Variants in SYTL5 observed in about 807,000 individuals in gnomAD.
SYTL5 encodes the protein synaptotagmin like 5, also known as synaptotagmin-like protein 5.
In SYTL5, 34 loss-of-function variants were observed where a neutral mutation model predicts 55.9. That is an observed-to-expected ratio of 0.61 (90% CI 0.46 to 0.81). SYTL5 has a LOEUF of 0.81. Ranked by LOEUF, SYTL5 falls within the 30% of genes least tolerant of loss-of-function variation. The pLI is 0.00. For synonymous variants in SYTL5, 221 were observed against 188.7 expected (o/e 1.17, Z -1.40); for missense variants, 637 against 546.7 (o/e 1.17, Z -1.65).
At chrX:38,094,256 G>T in intron 7 of SYTL5, 39 bp from the exon 8 acceptor site, 1 of 1,130,018 alleles carries the variant, frequency 8.8e-7, no homozygotes, top group Non-Finnish European at 1.2e-6. Context: ...GTAAATTACA[G>T]TCAGTATAAT....
the SYTL5 span, among the ~76,000 whole-genome samples, chrX:37,958,801 T>C: frequency 8.9e-6 from 1 of 112,494 alleles, no homozygotes; most frequent in Non-Finnish European, 1.9e-5. Flanking sequence ...CACAGGATAG[T>C]CATTCCTATT....
chrX:38,000,212 C>T, the SYTL5 span, among the ~76,000 whole-genome samples: 2 of 112,095 alleles, frequency 1.8e-5, no homozygotes, highest in African/African-American at 3.2e-5. Flanking sequence ...TTCCACTGGA[C>T]GTTGTGTAAC....
At chrX:37,935,534 G>A in the SYTL5 span, among the ~76,000 whole-genome samples, 2 of 112,132 alleles carry the variant, frequency 1.8e-5, no homozygotes, top group Non-Finnish European at 3.8e-5. Context: ...GGCAATAATT[G>A]TATGTCTGTA....
chrX:38,040,754 A>G (rs1341537655), intron 2 of SYTL5, among the ~76,000 whole-genome samples: 3 of 111,766 alleles, frequency 2.7e-5, no homozygotes, highest in Non-Finnish European at 5.6e-5. Flanking sequence ...AATCTTGGCT[A>G]TTGTGAACAG....
intron 2 of SYTL5, 63 bp downstream of exon 2, chrX:38,034,071 G>T (rs926839837): frequency 6.1e-6 from 4 of 659,106 alleles, no homozygotes; most frequent in Middle Eastern, 7.9e-4. Flanking sequence ...AAGCAATTTA[G>T]ATCAGAAATG....
chrX:38,117,080 T>C (rs1302571879), intron 13 of SYTL5, among the ~76,000 whole-genome samples: 1 of 112,031 alleles, frequency 8.9e-6, no homozygotes, highest in East Asian at 2.8e-4. Flanking sequence ...TTGAATATGA[T>C]TGGATTCTGC....
At chrX:38,019,843 C>T (rs1934485749) in intron 1 of SYTL5, among the ~76,000 whole-genome samples, 1 of 111,020 alleles carries the variant, frequency 9.0e-6, no homozygotes, top group African/African-American at 3.3e-5. Context: ...TTATATTGCC[C>T]AGGCTGGTTT....
At chrX:37,985,301 T>C in the SYTL5 span, among the ~76,000 whole-genome samples, 1 of 111,843 alleles carries the variant, frequency 8.9e-6, no homozygotes, top group Non-Finnish European at 1.9e-5. Flanking sequence ...GATCAATATA[T>C]AAAAATCAAT....
At chrX:37,991,467 T>C in the SYTL5 span, 22 of 399,950 alleles carry the variant, frequency 5.5e-5, no homozygotes, top group Non-Finnish European at 8.3e-5. Context: ...TTTCCAATGG[T>C]GACAGTGAGG....
chrX:38,086,222 A>G (rs1183488989), intron 6 of SYTL5, among the ~76,000 whole-genome samples: 1 of 111,253 alleles, frequency 9.0e-6, no homozygotes, highest in Non-Finnish European at 1.9e-5. Flanking sequence ...GATGTTTTTC[A>G]TAGGTAAGAA....
the SYTL5 span, among the ~76,000 whole-genome samples, chrX:37,892,522 C>T: frequency 2.1e-5 from 2 of 96,662 alleles, no homozygotes; most frequent in East Asian, 3.1e-4. Flanking sequence ...GTTATATATA[C>T]ATATATAGTA....
At chrX:38,092,089 T>C (rs1246834178) in intron 7 of SYTL5, among the ~76,000 whole-genome samples, 2 of 112,294 alleles carry the variant, frequency 1.8e-5, no homozygotes, top group Non-Finnish European at 3.8e-5. Flanking sequence ...AAGGGAAGTA[T>C]ATAGCATTAG....
Position 38,076,644 on chromosome X carries a change from G to T in SYTL5, c.632G>T (p.Ser211Ile), listed in dbSNP as rs1335542753. 1.7e-6 allele frequency: 2 copies of T among 1,210,913 alleles called. No individual in the cohort carries two copies. The highest frequency in any genetic ancestry group is 2.2e-5 in the Admixed American group (1 of 45,993). ...TPKTDTGRSY[S>I]LDLDGQHFRS... ...AAAACTGACACTGGGCGGAGCTATAGCTTGGACTTAGACGGTCAACATTTT... is the reference window on the plus strand; with the variant it reads ...AAAACTGACACTGGGCGGAGCTATATCTTGGACTTAGACGGTCAACATTTT... Residue 211 changes from serine (S) to isoleucine (I), a missense_variant, in exon 6 of 17, where the codon AGC becomes ATC. Physicochemically the swap from Ser to Ile is moderately radical, Grantham distance 142. Coordinates refer to ENST00000297875, the MANE Select transcript of SYTL5 (RefSeq NM_138780.3).
At chrX:37,978,104 A>T in the SYTL5 span, among the ~76,000 whole-genome samples, 18 of 111,920 alleles carry the variant, frequency 1.6e-4, no homozygotes, top group African/African-American at 4.9e-4. Context: ...AGTAATAGTG[A>T]GAAAATAACC....
chrX:38,094,482 G>A, intron 8 of SYTL5, 58 bp downstream of exon 8: 2 of 1,108,130 alleles, frequency 1.8e-6, no homozygotes, highest in Non-Finnish European at 2.5e-6. Context: ...AAATGGAATT[G>A]ACTGCTATGT....
intron 1 of SYTL5, among the ~76,000 whole-genome samples, chrX:38,027,314 G>A (rs1934807459): frequency 8.9e-6 from 1 of 112,105 alleles, no homozygotes; most frequent in African/African-American, 3.2e-5. Context: ...CATGAACTGG[G>A]CAACTGTTGG....
chrX:38,021,664 A>G (rs1200727229), intron 1 of SYTL5, among the ~76,000 whole-genome samples: 5 of 112,307 alleles, frequency 4.5e-5, no homozygotes, highest in African/African-American at 6.5e-5. Context: ...GTAATTGGGT[A>G]GGGCTAAGTG....
the SYTL5 span, among the ~76,000 whole-genome samples, chrX:37,910,967 C>CT: frequency 0.044 from 3,639 of 82,696 alleles, 184 homozygotes; most frequent in African/African-American, 0.12. Context: ...GATAGCATTA[C>CT]TTTTTTTTTT....
chrX:37,900,920 C>T, the SYTL5 span, among the ~76,000 whole-genome samples: 1 of 111,272 alleles, frequency 9.0e-6, no homozygotes, highest in Non-Finnish European at 1.9e-5. Context: ...TTAGGGGAGG[C>T]AAAGAAAGTA....
Sources: allele counts gnomAD v4.1 joint callset (sites outside exome capture counted in the v4.1 genomes callset), GRCh38; gene constraint gnomAD v4.1.1; transcripts MANE v1.5; gene names NCBI Gene and HGNC (gene_info 2026-07-23, HGNC 2026-07-21).